Variants in PINX1 observed in about 807,000 individuals in gnomAD.
PINX1 encodes the protein PIN2/TERF1-interacting telomerase inhibitor 1.
PINX1 carries 34 observed loss-of-function variants against 25.4 expected under a neutral mutation model. That is an observed-to-expected ratio of 1.34 (90% confidence interval 1.02 to 1.78). The LOEUF (loss-of-function observed/expected upper bound fraction) is 1.78, where lower values mean the gene tolerates loss of function less well. Ranked by LOEUF, PINX1 falls within the 40% of genes most tolerant of loss-of-function variation. The pLI is 0.00. For synonymous variants in PINX1, 197 were observed against 147.7 expected (o/e 1.33, Z -2.42); for missense variants, 592 against 404.9 (o/e 1.46, Z -3.97).
chr8:10,796,072 G>C (rs570296330), intron 6 of PINX1, among the ~76,000 whole-genome samples: 1 of 152,310 alleles, frequency 6.6e-6, no homozygotes, highest in Admixed American at 6.5e-5. Context: ...AAAGAGCTTA[G>C]AGATTTGGAG....
chr8:10,787,643 C>A, intron 6 of PINX1: 2 of 320,346 alleles, frequency 6.2e-6, no homozygotes, highest in Admixed American at 4.4e-5. Flanking sequence ...AAAAGCCACA[C>A]AAGGGAAATT....
At chr8:10,777,589 G>C (rs1801433200) in intron 6 of PINX1, among the ~76,000 whole-genome samples, 1 of 152,162 alleles carries the variant, frequency 6.6e-6, no homozygotes, top group African/African-American at 2.4e-5. Flanking sequence ...GAGTGAGGTA[G>C]GCAGGGTGTA....
chr8:10,794,333 A>C (rs1053957958), intron 6 of PINX1, among the ~76,000 whole-genome samples: 4 of 152,242 alleles, frequency 2.6e-5, no homozygotes, highest in African/African-American at 9.6e-5. Context: ...CTACACAGAA[A>C]AGTAACTTTT....
rs544434607 is a variant in PINX1 at position 10,771,668 on chromosome 8, A to C, written c.472-5752T>G. ...ACCAAGGCTGTGAAGAGCTCCCACC[A>C]CCACCCACTGGCCCCAAATGCTTTG... On this transcript the variant is annotated intron_variant, in intron 6 of 6. Coordinates refer to ENST00000314787, the MANE Select transcript of PINX1 (RefSeq NM_017884.6). 2.0e-5 allele frequency among the ~76,000 whole-genome samples: 3 copies of C among 152,126 alleles called. No individual in the cohort carries two copies. The East Asian group carries it at 5.8e-4, about 29-fold the overall frequency.
intron 4 of PINX1, among the ~76,000 whole-genome samples, chr8:10,828,159 G>A (rs6984388): frequency 0.43 from 65,437 of 151,980 alleles, 15,767 homozygotes; most frequent in African/African-American, 0.66. Context: ...AGCCCAGCAC[G>A]GGCTCATTAT....
intron 4 of PINX1, among the ~76,000 whole-genome samples, chr8:10,827,463 C>G (rs1319005626): frequency 6.6e-6 from 1 of 152,034 alleles, no homozygotes; most frequent in African/African-American, 2.4e-5. Context: ...GGGTTAGAGT[C>G]AATTATAAAT....
intron 6 of PINX1, among the ~76,000 whole-genome samples, chr8:10,805,121 C>G (rs1802398687): frequency 6.6e-6 from 1 of 152,178 alleles, no homozygotes; most frequent in African/African-American, 2.4e-5. Context: ...TGAGGCCTGT[C>G]TCTCCTGGCA....
intron 6 of PINX1, among the ~76,000 whole-genome samples, chr8:10,813,793 A>C (rs371496680): frequency 9.9e-5 from 15 of 151,952 alleles, no homozygotes; most frequent in Middle Eastern, 3.4e-3. Context: ...TGCTGGTAAC[A>C]CATTCTCCAT....
chr8:10,777,472 C>T (rs1342032351), intron 6 of PINX1, among the ~76,000 whole-genome samples: 2 of 152,136 alleles, frequency 1.3e-5, no homozygotes, highest in South Asian at 2.1e-4. Flanking sequence ...TCCTCGGCAC[C>T]TTATCAGCTT....
At chr8:10,818,987 T>C (rs17776622) in intron 6 of PINX1, among the ~76,000 whole-genome samples, 25,449 of 152,188 alleles carry the variant, frequency 0.17, 2,541 homozygotes, top group Non-Finnish European at 0.23. Context: ...TGTCTGACCA[T>C]GGCTCTTTCC....
intron 6 of PINX1, among the ~76,000 whole-genome samples, chr8:10,783,363 G>C (rs189651808): frequency 1.3e-5 from 2 of 152,206 alleles, no homozygotes; most frequent in Admixed American, 1.3e-4. Flanking sequence ...GAAAGGAGAA[G>C]TGTCTGGAGC....
intron 6 of PINX1, among the ~76,000 whole-genome samples, chr8:10,772,750 C>G (rs542158859): frequency 6.6e-6 from 1 of 152,242 alleles, no homozygotes; most frequent in East Asian, 1.9e-4. Flanking sequence ...GATACAATAA[C>G]AGAATGAGAA....
intron 6 of PINX1, among the ~76,000 whole-genome samples, chr8:10,776,118 AG>A: frequency 6.6e-6 from 1 of 152,166 alleles, no homozygotes; most frequent in Non-Finnish European, 1.5e-5. Context: ...AGAAGGCAAA[AG>A]CTTTCGAGAA....
chr8:10,775,299 C>T (rs995797537), intron 6 of PINX1, among the ~76,000 whole-genome samples: 8 of 151,650 alleles, frequency 5.3e-5, no homozygotes, highest in Admixed American at 5.3e-4. Context: ...TCGCTGGCAA[C>T]AAAGCATTGT....
chr8:10,787,489 G>A (rs771095671), intron 6 of PINX1: 1 of 188,226 alleles, frequency 5.3e-6, no homozygotes, highest in Admixed American at 6.2e-5. Flanking sequence ...GCCTCCCAAA[G>A]TGCTGGGATT....
chr8:10,788,590 A>G (rs1563210608), intron 6 of PINX1, among the ~76,000 whole-genome samples: 1 of 152,014 alleles, frequency 6.6e-6, no homozygotes, highest in Non-Finnish European at 1.5e-5. Context: ...AAAAAAAGTG[A>G]ATGTATATCT....
chr8:10,824,123 T>C (rs942153660), intron 5 of PINX1, among the ~76,000 whole-genome samples: 2 of 152,126 alleles, frequency 1.3e-5, no homozygotes, highest in Non-Finnish European at 2.9e-5. Flanking sequence ...TTCTAATAAA[T>C]CATAAAACAG....
At chr8:10,766,217 C>G (rs771863663) in intron 6 of PINX1, among the ~76,000 whole-genome samples, 2 of 152,194 alleles carry the variant, frequency 1.3e-5, no homozygotes, top group Non-Finnish European at 2.9e-5. Context: ...CAAGCCGCCT[C>G]GATGGAATTC....
At chr8:10,771,629 C>T (rs923632698) in intron 6 of PINX1, among the ~76,000 whole-genome samples, 1 of 152,224 alleles carries the variant, frequency 6.6e-6, no homozygotes, top group South Asian at 2.1e-4. Context: ...CACAAAGACA[C>T]CAAACCCAGC....
Sources: allele counts gnomAD v4.1 joint callset (sites outside exome capture counted in the v4.1 genomes callset), GRCh38; gene constraint gnomAD v4.1.1; transcripts MANE v1.5; gene names NCBI Gene and HGNC (gene_info 2026-07-23, HGNC 2026-07-21).